The following CYP2F1 variants were observed in gnomAD, a reference collection of about 807,000 sequenced individuals.
CYP2F1 encodes the protein cytochrome P450 2F1.
A neutral mutation model predicts 40.4 loss-of-function variants in CYP2F1; 33 were observed. The ratio of observed to expected loss-of-function variants is 0.82; its 90% CI spans 0.62 to 1.09. The LOEUF (loss-of-function observed/expected upper bound fraction) is 1.09, where lower values mean the gene tolerates loss of function less well. Among genes scored for constraint, CYP2F1 ranks in the 50% least tolerant of loss-of-function variants. The pLI, the probability that CYP2F1 is intolerant of heterozygous loss-of-function variation, is 0.00. For synonymous variants in CYP2F1, 235 were observed against 277.2 expected (o/e 0.85, Z 1.51); for missense variants, 566 against 655.7 (o/e 0.86, Z 1.49).
rs1250646017 is a variant in CYP2F1 at position 41,122,019 on chromosome 19, G to T, written c.708G>T (p.Gln236His). Residue 236 changes from glutamine (Q) to histidine (H), a missense_variant, in exon 6 of 10, where the codon CAG becomes CAT. Physicochemically the swap from Gln to His is conservative, Grantham distance 24. Transcript: ENST00000331105. ...CTGGGCCGCACCAACGCATCTTCCA[G>T]AACTTCAAGTGCCTGAGAGACCTCA... Reference protein sequence around the residue: ...WVPGPHQRIFQNFKCLRDLIA... With the variant: ...WVPGPHQRIFHNFKCLRDLIA... 10 of 1,613,042 alleles carry T rather than the reference G, an allele frequency of 6.2e-6. No individual in the cohort carries two copies. The highest frequency in any genetic ancestry group is 7.6e-6 in the Non-Finnish European group (9 of 1,179,694).
intron 9 of CYP2F1, among the ~76,000 whole-genome samples, chr19:41,126,822 C>T (rs1412181113): frequency 6.6e-6 from 1 of 151,884 alleles, no homozygotes; most frequent in Non-Finnish European, 1.5e-5. Flanking sequence ...AAAAATTGAA[C>T]TTGGGAGTGG....
Position 41,116,314 on chromosome 19 carries a change from C to A in CYP2F1, c.126C>A (p.Asn42Lys). The A allele has an allele frequency of 6.2e-7, 1 of 1,614,118 alleles. No individual in the cohort carries two copies. Among genetic ancestry groups the A allele is most frequent in the Non-Finnish European group, 8.5e-7 (1 of 1,180,014 alleles). The change falls in exon 2 of 10, where the codon AAC becomes AAA. Residue 42 changes from asparagine to lysine, a missense_variant. Coordinates refer to ENST00000331105, the MANE Select transcript of CYP2F1 (RefSeq NM_000774.5). ...PGPRPLSILGNLLLLCSQDML... is the reference protein window; with the variant it reads ...PGPRPLSILGKLLLLCSQDML... ...CCAGACCCCTCTCAATCCTGGGAAA[C>A]CTGCTGCTGCTTTGCTCCCAAGACA...
intron 1 of CYP2F1, among the ~76,000 whole-genome samples, chr19:41,115,341 C>A (rs1475027232): frequency 2.0e-5 from 3 of 152,142 alleles, no homozygotes; most frequent in African/African-American, 4.8e-5. Context: ...TCTCTCCACT[C>A]AATCTCCCTT....
rs556467308 is a variant in CYP2F1 at position 41,121,964 on chromosome 19, A to T, written c.653A>T (p.Asp218Val). The T allele has an allele frequency of 7.4e-6, 12 of 1,613,144 alleles. No homozygotes were observed. In the South Asian group the frequency reaches 1.2e-4, roughly 16 times the overall value. ...ACTCTGTCTGGTCCCCAGTTGTACGACATCTTCCCGAGCCTCCTGGACTGG... is the reference window on the plus strand; with the variant it reads ...ACTCTGTCTGGTCCCCAGTTGTACGTCATCTTCCCGAGCCTCCTGGACTGG... ...IMSSPWGELY[D>V]IFPSLLDWVP... is the part of the protein sequence containing the mutation. The change falls in exon 6 of 10, where the codon GAC (aspartate) becomes GTC (valine). Residue 218 changes from aspartate to valine, a missense_variant. Asp to Val is a radical substitution (Grantham distance 152). Around this residue, in one of 5 missense-constraint regions of CYP2F1, gnomAD observed 264 missense variants for 275.7 expected, o/e 0.96. Coordinates refer to ENST00000331105, the MANE Select transcript of CYP2F1 (RefSeq NM_000774.5).
chr19:41,126,297 T>C (rs574449796), intron 9 of CYP2F1, among the ~76,000 whole-genome samples: 80 of 149,450 alleles, frequency 5.4e-4, no homozygotes, highest in African/African-American at 1.9e-3. Flanking sequence ...TGGTGGCACA[T>C]GTTTGTAATC....
Position 41,128,085 on chromosome 19 carries a change from C to A in CYP2F1, c.*3C>A. On this transcript the variant is annotated 3_prime_UTR_variant, in exon 10 of 10. Coordinates refer to ENST00000331105, the MANE Select transcript of CYP2F1 (RefSeq NM_000774.5). Reference sequence around the variant, plus strand: ...AGCTGTGCCTGCGCCCGCGCTAACGCCCCGGCCCTTCCAGATTCGCCTGTG... The same window carrying A: ...AGCTGTGCCTGCGCCCGCGCTAACGACCCGGCCCTTCCAGATTCGCCTGTG... The A allele has an allele frequency of 1.9e-6, 3 of 1,599,338 alleles. No homozygotes were observed. The highest frequency in any genetic ancestry group is 2.6e-6 in the Non-Finnish European group (3 of 1,173,242).
Position 41,115,143 on chromosome 19 carries a change from T to TTC in CYP2F1, c.-12+668_-12+669dup, listed in dbSNP as rs138796476. Among the ~76,000 whole-genome samples the TTC allele has an allele frequency of 4.7e-3, 702 of 149,760 alleles. 4 individuals are homozygous for TTC. The highest frequency in any genetic ancestry group is 0.019 in the South Asian group (90 of 4,698). ...GCTCTAATATTCCCTGCCTCTCTTA[T>TTC]TCTCTCTCTCTCTCTCTCCATCTCT... On this transcript the variant is annotated intron_variant, in intron 1 of 9. Transcript: ENST00000331105.
intron 7 of CYP2F1, among the ~76,000 whole-genome samples, 160 bp from the exon 8 acceptor site, chr19:41,124,559 G>A (rs936114969): frequency 3.9e-5 from 6 of 152,104 alleles, no homozygotes; most frequent in African/African-American, 1.4e-4. Context: ...CACCGCGCCC[G>A]GCCAGCTCTA....
chr19:41,116,768 C>T, intron 3 of CYP2F1, 151 bp downstream of exon 3: 3 of 895,928 alleles, frequency 3.3e-6, no homozygotes, highest in Non-Finnish European at 3.4e-6. Context: ...CAGTGTTGGT[C>T]TATGGCAAAT....
chr19:41,124,239 TC>T (rs1421746435), intron 7 of CYP2F1, among the ~76,000 whole-genome samples: 3 of 110,800 alleles, frequency 2.7e-5, no homozygotes, highest in Admixed American at 9.8e-5. Context: ...TTTTTTTTTT[TC>T]CTCTTCCCCC....
Position 41,122,109 on chromosome 19 carries a change from G to C in CYP2F1, c.798G>C (p.Gln266His), listed in dbSNP as rs75405062. The change falls in exon 6 of 10, where the codon CAG becomes CAC. Residue 266 changes from glutamine to histidine, a missense_variant. By Grantham distance (24) the Gln-to-His change is conservative. Around this residue, in one of 5 missense-constraint regions of CYP2F1, gnomAD observed 62 missense variants for 105.6 expected, o/e 0.59. Transcript: ENST00000331105. ...LDPRSPRDFI[Q>H]CFLTKMAEEK... ...CCAGATCTCCCCGGGACTTCATCCA[G>C]TGCTTCCTCACCAAGATGGCAGAGG... The C allele has an allele frequency of 0.097, 139,519 of 1,440,520 alleles. 23,206 individuals are homozygous for C. Among genetic ancestry groups the C allele is most frequent in the African/African-American group, 0.29 (18,573 of 63,724 alleles). 89.2% of individuals were successfully genotyped at this position (1,440,520 alleles called of 1,614,324 possible).
chr19:41,121,722 G>A (rs2032217460), intron 5 of CYP2F1, 104 bp downstream of exon 5: 5 of 1,185,562 alleles, frequency 4.2e-6, no homozygotes, highest in East Asian at 4.8e-5. Context: ...CCCGCCCAGG[G>A]CCCGCCCCCT....
At chr19:41,124,174 C>T (rs1197948863) in intron 7 of CYP2F1, among the ~76,000 whole-genome samples, 1 of 148,574 alleles carries the variant, frequency 6.7e-6, no homozygotes, top group Non-Finnish European at 1.5e-5. Context: ...GGCCCTTGCA[C>T]AAGCCAAGCT....
Position 41,116,454 on chromosome 19 carries a change from G to T in CYP2F1, c.172-1G>T. 6.2e-7 allele frequency: 1 copy of T among 1,609,692 alleles called. No individual in the cohort carries two copies. The highest frequency in any genetic ancestry group is 1.1e-5 in the South Asian group (1 of 90,940). ...TGTAACTTCTGTCTTCCTACCCTCA[G>T]CTGAGCAAGGAGTATGGCTCCATGT... On this transcript the variant is annotated splice_acceptor_variant, in intron 2 of 9. Coordinates refer to ENST00000331105, the MANE Select transcript of CYP2F1 (RefSeq NM_000774.5). LOFTEE classifies it high-confidence loss of function.
At chr19:41,123,113 C>G (rs528392605) in intron 7 of CYP2F1, 150 bp downstream of exon 7, 1 of 876,646 alleles carries the variant, frequency 1.1e-6, no homozygotes, top group South Asian at 1.4e-5. Context: ...ACACGGAGGC[C>G]GATCCCACCA....
chr19:41,121,527 G>A lies in CYP2F1; in HGVS notation c.554G>A (p.Gly185Asp). The change falls in exon 5 of 10, where the codon GGC becomes GAC. Residue 185 changes from glycine (G) to aspartate (D), a missense_variant. Gly to Asp is a moderately conservative substitution (Grantham distance 94). Coordinates refer to ENST00000331105, the MANE Select transcript of CYP2F1 (RefSeq NM_000774.5). ...VSNIICSVLFGSRFDYDDERL... is the reference protein window; with the variant it reads ...VSNIICSVLFDSRFDYDDERL... ...AACATTATCTGTTCCGTGCTCTTCG[G>A]CAGCCGCTTCGACTATGATGATGAG... The A allele has an allele frequency of 1.9e-6, 3 of 1,609,660 alleles. No individual in the cohort carries two copies. Among genetic ancestry groups the A allele is most frequent in the Non-Finnish European group, 2.5e-6 (3 of 1,179,670 alleles).
chr19:41,126,895 T>C (rs1455270310), intron 9 of CYP2F1, among the ~76,000 whole-genome samples: 1 of 151,808 alleles, frequency 6.6e-6, no homozygotes, highest in African/African-American at 2.4e-5. Context: ...TTGTTTTGTT[T>C]GTTTGTTTTT....
At position 41,124,881 on chromosome 19, in the gene CYP2F1, C is replaced by T; in HGVS notation, c.1127C>T (p.Ala376Val). 1 of 1,607,848 alleles carries T rather than the reference C, an allele frequency of 6.2e-7. No homozygotes were observed. The highest frequency in any genetic ancestry group is 8.5e-7 in the Non-Finnish European group (1 of 1,178,730). The change falls in exon 8 of 10, where the codon GCC becomes GTC. Residue 376 changes from alanine to valine, a missense_variant. Transcript: ENST00000331105. ...CCGCACCGCGTCACTAGGGACACGG[C>T]CTTTCGCGGCTTCCTGATACCCAAG... is the stretch of plus-strand genomic sequence containing the variant. ...NLPHRVTRDT[A>V]FRGFLIPKGT...
At chr19:41,123,118 C>T (rs1263578637) in intron 7 of CYP2F1, 155 bp downstream of exon 7, 1 of 832,838 alleles carries the variant, frequency 1.2e-6, no homozygotes, top group South Asian at 1.4e-5. Context: ...GAGGCCGATC[C>T]CACCACATGG....
Sources: allele counts gnomAD v4.1 joint callset (sites outside exome capture counted in the v4.1 genomes callset), GRCh38; gene constraint gnomAD v4.1.1; regional missense constraint gnomAD v4.1.1; transcripts MANE v1.5; gene names NCBI Gene and HGNC (gene_info 2026-07-23, HGNC 2026-07-21).